Variants in ZNF827 observed in about 807,000 individuals in gnomAD.
ZNF827 encodes the protein zinc finger protein 827.
A neutral mutation model predicts 102.4 loss-of-function variants in ZNF827; 13 were observed. That is an observed-to-expected ratio of 0.13 (90% CI 0.08 to 0.20). The LOEUF is 0.20. Among genes scored for constraint, ZNF827 ranks in the 10% least tolerant of loss-of-function variants. The pLI is 1.00. For missense variants in ZNF827, 1,103 were observed against 1,344.4 expected (o/e 0.82, Z 2.81); for synonymous variants, 523 against 536.2 (o/e 0.98, Z 0.34).
At chr4:145,834,447 C>A (rs1744600113) in intron 7 of ZNF827, among the ~76,000 whole-genome samples, 1 of 152,114 alleles carries the variant, frequency 6.6e-6, no homozygotes, top group African/African-American at 2.4e-5. Flanking sequence ...AGCTAGGTCC[C>A]AATTCTTCCT....
chr4:145,923,381 G>A (rs1753210129), intron 1 of ZNF827, among the ~76,000 whole-genome samples: 1 of 151,698 alleles, frequency 6.6e-6, no homozygotes. Context: ...GAGGCAGGCG[G>A]ATCACCTGAG....
chr4:145,898,704 G>T (rs547254462), intron 2 of ZNF827, among the ~76,000 whole-genome samples: 1 of 152,110 alleles, frequency 6.6e-6, no homozygotes, highest in Non-Finnish European at 1.5e-5. Flanking sequence ...CTTGCAGGGC[G>T]GAAAGGCTAT....
At chr4:145,859,942 T>C (rs1293109352) in intron 5 of ZNF827, among the ~76,000 whole-genome samples, 4 of 152,248 alleles carry the variant, frequency 2.6e-5, no homozygotes, top group Non-Finnish European at 4.4e-5. Flanking sequence ...AGGGTGCAAA[T>C]GTAGTGGGAT....
intron 8 of ZNF827, among the ~76,000 whole-genome samples, chr4:145,806,712 G>A (rs1260951831): frequency 3.3e-5 from 5 of 151,806 alleles, no homozygotes; most frequent in Admixed American, 2.6e-4. Context: ...AGATATAACA[G>A]AAATTAGAAT....
intron 7 of ZNF827, chr4:145,832,334 CAG>C (rs1491010254): frequency 3.4e-5 from 5 of 147,732 alleles, no homozygotes; most frequent in African/African-American, 1.3e-4. Context: ...CACACACACA[CAG>C]AGCAAATACA....
chr4:145,810,993 C>CT lies in ZNF827; in HGVS notation c.2383+12428dup, dbSNP rs34011180. On this transcript the variant is annotated intron_variant, in intron 8 of 14. Transcript: ENST00000508784. The stretch of plus-strand genomic sequence containing the variant: ...TCTGCAACCAAGAGAACTCATTTCG[C>CT]TTTTTTTTTTTTTTTTGAGTCAGGG... 7.3e-3 allele frequency among the ~76,000 whole-genome samples: 1,013 copies of CT among 137,944 alleles called. 12 individuals are homozygous for CT. The highest frequency in any genetic ancestry group is 0.02 in the African/African-American group (765 of 37,422). 90.5% of individuals were successfully genotyped at this position (137,944 alleles called of 152,430 possible).
rs538444397 is a variant in ZNF827 at position 145,836,312 on chromosome 4, A to G, written c.2279+9644T>C. On this transcript the variant is annotated intron_variant, in intron 7 of 14. Coordinates refer to ENST00000508784, the MANE Select transcript of ZNF827 (RefSeq NM_001306215.2). The stretch of plus-strand genomic sequence containing the variant: ...GTTAGCGCGGTCAGAATTCTTACAC[A>G]AGAGCCAGGACCACACCCTGTAGCC... 9.2e-5 allele frequency among the ~76,000 whole-genome samples: 14 copies of G among 152,076 alleles called. No homozygotes were observed. The East Asian group carries it at 1.2e-3, about 13-fold the overall frequency.
chr4:145,795,506 A>G (rs1740292873), intron 8 of ZNF827, among the ~76,000 whole-genome samples: 1 of 152,246 alleles, frequency 6.6e-6, no homozygotes, highest in South Asian at 2.1e-4. Context: ...GAGTTACACA[A>G]TTCTGGGACT....
At chr4:145,802,683 C>T (rs151128721) in intron 8 of ZNF827, among the ~76,000 whole-genome samples, 413 of 152,312 alleles carry the variant, frequency 2.7e-3, no homozygotes, top group African/African-American at 7.8e-3. Flanking sequence ...ATAAGTTGGG[C>T]GCAGTGGCTC....
At chr4:145,855,444 T>G (rs6838312) in intron 5 of ZNF827, among the ~76,000 whole-genome samples, 6,905 of 152,276 alleles carry the variant, frequency 0.045, 389 homozygotes, top group East Asian at 0.16. Flanking sequence ...ACTTAAAACT[T>G]TGTGAACAAG....
intron 1 of ZNF827, among the ~76,000 whole-genome samples, chr4:145,925,847 A>ACT (rs1753381876): frequency 6.6e-6 from 1 of 152,224 alleles, no homozygotes; most frequent in Non-Finnish European, 1.5e-5. Flanking sequence ...AGTCCTTAGA[A>ACT]AATCACCCCC....
At position 145,902,625 on chromosome 4, in the gene ZNF827, T is replaced by C. The variant is rs765551320; in HGVS notation, c.634A>G (p.Ile212Val). Residue 212 changes from isoleucine to valine, a missense_variant, in exon 2 of 15, where the codon ATC (isoleucine) becomes GTC (valine). Transcript: ENST00000508784. The surrounding 1 kb of genome is among the most constrained non-coding windows in gnomAD (Gnocchi z 4.3). ...TTGGCTGCAGCTTTCAGTTTTAGGA[T>C]GGCTGAATCCGGAGACAAGCTGCAG... is the stretch of plus-strand genomic sequence containing the variant. ...TTCSLSPDSA[I>V]LKLKAAANAV... The C allele has an allele frequency of 1.2e-6, 2 of 1,614,142 alleles. No homozygotes were observed. Among genetic ancestry groups the C allele is most frequent in the African/African-American group, 1.3e-5 (1 of 75,060 alleles).
intron 1 of ZNF827, among the ~76,000 whole-genome samples, chr4:145,917,089 G>A (rs369004888): frequency 6.6e-6 from 1 of 152,106 alleles, no homozygotes; most frequent in South Asian, 2.1e-4. Context: ...CACCAGAATT[G>A]CCCTTAATGC....
chr4:145,895,365 C>G (rs1750899142), intron 2 of ZNF827, among the ~76,000 whole-genome samples: 1 of 152,170 alleles, frequency 6.6e-6, no homozygotes, highest in Admixed American at 6.5e-5. Context: ...ACATTTAACC[C>G]TGCATATTAT....
chr4:145,849,196 G>C, intron 6 of ZNF827, 126 bp downstream of exon 6: 1 of 1,273,718 alleles, frequency 7.9e-7, no homozygotes, highest in South Asian at 1.6e-5. Flanking sequence ...GCATGTTAAA[G>C]CAACAAAATT....
chr4:145,922,853 T>G (rs551280703), intron 1 of ZNF827, among the ~76,000 whole-genome samples: 1 of 152,378 alleles, frequency 6.6e-6, no homozygotes, highest in South Asian at 2.1e-4. Context: ...CAGTGTTTGT[T>G]GCCAACAATA....
intron 8 of ZNF827, among the ~76,000 whole-genome samples, chr4:145,819,245 G>A (rs1054800034): frequency 1.3e-5 from 2 of 152,186 alleles, no homozygotes; most frequent in South Asian, 2.1e-4. Context: ...CCAAACACTC[G>A]GAGAGAATTC....
intron 4 of ZNF827, among the ~76,000 whole-genome samples, chr4:145,874,861 C>T (rs1190956215): frequency 6.6e-6 from 1 of 152,182 alleles, no homozygotes. Context: ...TTCCCAGCAT[C>T]GTAGGACCTG....
At chr4:145,936,988 C>T (rs1405751750) in intron 1 of ZNF827, among the ~76,000 whole-genome samples, 2 of 151,998 alleles carry the variant, frequency 1.3e-5, no homozygotes, top group South Asian at 2.1e-4. Flanking sequence ...GTCCCCTCCT[C>T]CCCGTCACCC....
Sources: allele counts gnomAD v4.1 joint callset (sites outside exome capture counted in the v4.1 genomes callset), GRCh38; gene constraint gnomAD v4.1.1; non-coding constraint Gnocchi (gnomAD v3.1); transcripts MANE v1.5; gene names NCBI Gene and HGNC (gene_info 2026-07-23, HGNC 2026-07-21).